ZNF485: variants seen among roughly 807,000 people sequenced by gnomAD.
ZNF485 encodes the protein zinc finger protein 485.
Under a neutral mutation model 10.8 loss-of-function variants are expected in ZNF485, and 9 were observed. The observed-to-expected ratio is 0.83, with a 90% CI of 0.50 to 1.45. ZNF485 has a LOEUF of 1.45. ZNF485 is among the 40% of genes most tolerant of loss of function. The pLI, the probability that ZNF485 is intolerant of heterozygous loss-of-function variation, is 0.00. For synonymous variants in ZNF485, 187 were observed against 181.0 expected (o/e 1.03, Z -0.27); for missense variants, 487 against 528.0 (o/e 0.92, Z 0.76).
Position 43,617,231 on chromosome 10 carries a change from C to A in ZNF485, c.1188C>A (p.Gly396=). The part of the protein sequence containing the change: ...KCGKAFRHSS[G]LVEHQRLHTG... ...GGAAAGCCTTTCGGCACAGCTCAGG[C>A]CTTGTTGAACATCAGAGACTCCATA... Residue 396 remains glycine, a synonymous_variant, in exon 5 of 5, where the codon GGC becomes GGA. Transcript: ENST00000361807. The A allele has an allele frequency of 4.3e-6, 7 of 1,614,144 alleles. No individual in the cohort carries two copies. Among genetic ancestry groups the A allele is most frequent in the Non-Finnish European group, 5.9e-6 (7 of 1,180,012 alleles).
rs1270230354 is a variant in ZNF485, at chr10:43,616,343, T to C, written c.300T>C (p.Ser100=). ...TKMSALKQST[S]EASVLGERTK... is the part of the protein sequence containing the mutation. ...TGTCAGCCCTAAAGCAAAGCACTTC[T>C]GAAGCATCTGTTCTGGGAGAGCGAA... Residue 100 remains serine, a synonymous_variant, in exon 5 of 5, where the codon TCT becomes TCC. Coordinates refer to ENST00000361807, the MANE Select transcript of ZNF485 (RefSeq NM_145312.4). 6.2e-7 allele frequency: 1 copy of C among 1,609,610 alleles called. No individual in the cohort carries two copies. The highest frequency in any genetic ancestry group is 2.2e-5 in the East Asian group (1 of 44,884).
chr10:43,615,712 G>GT (rs1387688993), intron 4 of ZNF485, among the ~76,000 whole-genome samples: 2 of 152,038 alleles, frequency 1.3e-5, no homozygotes, highest in African/African-American at 4.8e-5. Flanking sequence ...TAGGTATGTT[G>GT]TTTTTTAGAT....
intron 2 of ZNF485, 103 bp from the exon 3 acceptor site, chr10:43,608,511 C>T (rs1014475825): frequency 6.9e-7 from 1 of 1,447,860 alleles, no homozygotes; most frequent in African/African-American, 1.4e-5. Flanking sequence ...TCCATGAGCA[C>T]TGTTGGAACT....
Position 43,616,338 on chromosome 10 carries a change from A to C in ZNF485, c.295A>C (p.Thr99Pro). 6.2e-7 allele frequency: 1 copy of C among 1,601,158 alleles called. No homozygotes were observed. ...ETKMSALKQS[T>P]SEASVLGERT... is the part of the protein sequence containing the mutation. ...AAAGATGTCAGCCCTAAAGCAAAGC[A>C]CTTCTGAAGCATCTGTTCTGGGAGA... Residue 99 changes from threonine (T) to proline (P), a missense_variant, in exon 5 of 5, where the codon ACT becomes CCT. Transcript: ENST00000361807.
At chr10:43,613,726 A>G (rs1838806555) in intron 4 of ZNF485, among the ~76,000 whole-genome samples, 1 of 152,220 alleles carries the variant, frequency 6.6e-6, no homozygotes, top group Non-Finnish European at 1.5e-5. Flanking sequence ...ATTCAGCTTT[A>G]GTATATAATG....
At position 43,609,358 on chromosome 10, in the gene ZNF485, G is replaced by T; in HGVS notation, c.247+8G>T. ...CATCAGGCACACATGCAGGTGAGTG[G>T]GTGGGGAACATCCCAGCAGAAGCTG... is the stretch of plus-strand genomic sequence containing the variant. On this transcript the variant is annotated splice_region_variant and intron_variant, in intron 4 of 4. Transcript: ENST00000361807. 2 of 1,611,528 alleles carry T rather than the reference G, an allele frequency of 1.2e-6. No homozygotes were observed. Among genetic ancestry groups the T allele is most frequent in the Non-Finnish European group, 1.7e-6 (2 of 1,177,914 alleles).
chr10:43,617,334 A>T lies in ZNF485; in HGVS notation c.1291A>T (p.Ile431Phe). ...RSSALKQHKK[I>F]HNKERAMKCS ...TTCAGCCCTTAAGCAACATAAGAAA[A>T]TTCATAATAAAGAAAGAGCCATGAA... is the stretch of plus-strand genomic sequence containing the variant. The change falls in exon 5 of 5, where the codon ATT (isoleucine) becomes TTT (phenylalanine). Residue 431 changes from isoleucine to phenylalanine, a missense_variant. Ile to Phe is a conservative substitution (Grantham distance 21, BLOSUM62 0). Transcript: ENST00000361807. The T allele has an allele frequency of 6.4e-7, 1 of 1,565,526 alleles. No homozygotes were observed.
In ZNF485 at chr10:43,617,646, T is replaced by G. The variant is rs1838891720; in HGVS notation, c.*277T>G. On this transcript the variant is annotated 3_prime_UTR_variant, in exon 5 of 5. Coordinates refer to ENST00000361807, the MANE Select transcript of ZNF485 (RefSeq NM_145312.4). ...TGGTGGCATATGCCTGTAGTCCCAGTTACTTGGGAGGCTGAGACAGGATTG... is the reference window on the plus strand; with the variant it reads ...TGGTGGCATATGCCTGTAGTCCCAGGTACTTGGGAGGCTGAGACAGGATTG... The G allele has an allele frequency of 7.2e-6, 2 of 279,612 alleles. No homozygotes were observed. The highest frequency in any genetic ancestry group is 9.3e-5 in the Admixed American group (2 of 21,554). 17.3% of individuals were successfully genotyped at this position (279,612 alleles called of 1,614,324 possible).
chr10:43,611,964 A>G (rs1220244113), intron 4 of ZNF485, among the ~76,000 whole-genome samples: 1 of 152,248 alleles, frequency 6.6e-6, no homozygotes, highest in Non-Finnish European at 1.5e-5. Flanking sequence ...AACAAAGGTA[A>G]TGATGGATAT....
At chr10:43,611,772 G>C (rs3128241) in intron 4 of ZNF485, among the ~76,000 whole-genome samples, 152,336 of 152,340 alleles carry the variant, frequency 1, 76,166 homozygotes, top group Middle Eastern at 1. Context: ...TCAACATTTT[G>C]AGCAACCCTT....
At chr10:43,609,212 AT>A (rs757182281) in intron 3 of ZNF485, 42 bp from the exon 4 acceptor site, 1,415 of 1,341,028 alleles carry the variant, frequency 1.1e-3, no homozygotes, top group South Asian at 1.2e-3. Context: ...CTTTTCATTC[AT>A]TTTTTTTTTC....
chr10:43,617,405 A>G lies in ZNF485; in HGVS notation c.*36A>G. The G allele has an allele frequency of 7.1e-7, 1 of 1,406,190 alleles. No individual in the cohort carries two copies. Among genetic ancestry groups the G allele is most frequent in the Non-Finnish European group, 9.6e-7 (1 of 1,037,900 alleles). The allele number at this position is 1,406,190 out of a possible 1,614,324, so 87.1% of individuals were successfully genotyped here. A position where few individuals can be genotyped will look rare whatever the true frequency, so the allele number is the denominator to read the frequency against. ...TGTGCAGAGTAGTTTATTCCTTCTGACCATCATAGAGGAGACATTAAATAA... is the reference window on the plus strand; with the variant it reads ...TGTGCAGAGTAGTTTATTCCTTCTGGCCATCATAGAGGAGACATTAAATAA... On this transcript the variant is annotated 3_prime_UTR_variant, in exon 5 of 5. Transcript: ENST00000361807.
intron 3 of ZNF485, 129 bp downstream of exon 3, chr10:43,608,869 G>A: frequency 7.8e-7 from 1 of 1,281,116 alleles, no homozygotes; most frequent in South Asian, 1.5e-5. Context: ...TCTTAAGTAT[G>A]GGCTTAGAGG....
chr10:43,617,252 C>G lies in ZNF485; in HGVS notation c.1209C>G (p.Leu403=). Residue 403 remains leucine, a synonymous_variant, in exon 5 of 5, where the codon CTC becomes CTG. Transcript: ENST00000361807. ...CAGGCCTTGTTGAACATCAGAGACT[C>G]CATACTGGGGAAAAACCTTATAAAT... is the stretch of plus-strand genomic sequence containing the variant. The part of the protein sequence containing the change: ...HSSGLVEHQR[L]HTGEKPYKCN... The G allele has an allele frequency of 6.2e-7, 1 of 1,613,850 alleles. No homozygotes were observed. Among genetic ancestry groups the G allele is most frequent in the Non-Finnish European group, 8.5e-7 (1 of 1,179,908 alleles).
intron 4 of ZNF485, among the ~76,000 whole-genome samples, chr10:43,613,700 T>C (rs968730868): frequency 2.0e-5 from 3 of 152,362 alleles, no homozygotes; most frequent in Admixed American, 6.5e-5. Flanking sequence ...CGTGGCTACA[T>C]TTCTGTTGGG....
In ZNF485 at chr10:43,609,267, C is replaced by G. The variant is rs201105249; in HGVS notation, c.164C>G (p.Ser55Cys). Residue 55 changes from serine (S) to cysteine (C), a missense_variant, in exon 4 of 5, where the codon TCC (serine) becomes TGC (cysteine). Ser to Cys is a moderately radical substitution (Grantham distance 112). Coordinates refer to ENST00000361807, the MANE Select transcript of ZNF485 (RefSeq NM_145312.4). ...TCTTTATGAACAGGGCTTCTCTCTT[C>G]CAAACCAAAACTAATTACTCAGTTG... ...GNLVSVGLLSSKPKLITQLEQ... is the reference protein window; with the variant it reads ...GNLVSVGLLSCKPKLITQLEQ... 3 of 1,613,504 alleles carry G rather than the reference C, an allele frequency of 1.9e-6. No homozygotes were observed. Among genetic ancestry groups the G allele is most frequent in the Non-Finnish European group, 2.5e-6 (3 of 1,179,778 alleles).
Position 43,617,601 on chromosome 10 carries a change from ATACTG to A in ZNF485, c.*236_*240del, listed in dbSNP as rs1838890730. 9.7e-6 allele frequency: 4 copies of A among 410,538 alleles called. No individual in the cohort carries two copies. The East Asian group carries it at 1.5e-4, about 15-fold the overall frequency. 25.4% of individuals were successfully genotyped at this position (410,538 alleles called of 1,614,324 possible). On this transcript the variant is annotated 3_prime_UTR_variant, in exon 5 of 5. Coordinates refer to ENST00000361807, the MANE Select transcript of ZNF485 (RefSeq NM_145312.4). Reference sequence around the variant, plus strand: ...TGAAAAGAATGAGGTGGAGCTGTAAATACTGTACAAAGCCAGGCATGGTGGCATAT... The same window carrying A: ...TGAAAAGAATGAGGTGGAGCTGTAAATACAAAGCCAGGCATGGTGGCATAT...
At chr10:43,610,577 CTGTTT>C (rs1468979903) in intron 4 of ZNF485, among the ~76,000 whole-genome samples, 1 of 152,090 alleles carries the variant, frequency 6.6e-6, no homozygotes, top group Non-Finnish European at 1.5e-5. Context: ...TTTGTTCTTT[CTGTTT>C]TAATTTTGGT....
chr10:43,610,735 G>T lies in ZNF485; in HGVS notation c.247+1385G>T, dbSNP rs188918401. ...CAGTCAGTATTTTATGTTTTTTTTT[G>T]TGTGTGTATATTTCCCTTTCTGTTA... On this transcript the variant is annotated intron_variant, in intron 4 of 4. Transcript: ENST00000361807. 9.7e-3 allele frequency among the ~76,000 whole-genome samples: 1,460 copies of T among 150,898 alleles called. 8 individuals are homozygous for T. Among genetic ancestry groups the T allele is most frequent in the Middle Eastern group, 0.048 (14 of 294 alleles).
Sources: gnomAD v4.1 joint callset for allele counts (sites outside exome capture counted in the v4.1 genomes callset) on GRCh38, gnomAD v4.1.1 for gene constraint, MANE v1.5 for transcripts, NCBI Gene and HGNC (gene_info 2026-07-23, HGNC 2026-07-21) for gene names.